Variants in C8orf34 observed in about 807,000 individuals in gnomAD.
The protein encoded by C8orf34 is uncharacterized protein C8orf34.
Under a neutral mutation model 68.3 loss-of-function variants are expected in C8orf34, and 65 were observed. The ratio of observed to expected loss-of-function variants is 0.95; its 90% CI spans 0.78 to 1.17. The LOEUF (loss-of-function observed/expected upper bound fraction) is 1.17, where lower values mean the gene tolerates loss of function less well. Among genes scored for constraint, C8orf34 ranks in the 50% most tolerant of loss-of-function variants. The pLI, the probability that C8orf34 is intolerant of heterozygous loss-of-function variation, is 0.00. For missense variants in C8orf34, 664 were observed against 655.4 expected (o/e 1.01, Z -0.14); for synonymous variants, 244 against 241.2 (o/e 1.01, Z -0.11).
intron 11 of C8orf34, among the ~76,000 whole-genome samples, chr8:68,779,582 G>A (rs934636322): frequency 4.6e-5 from 7 of 152,188 alleles, no homozygotes; most frequent in African/African-American, 1.4e-4. Flanking sequence ...CCAGAAAGGG[G>A]ATCAATTCTA....
chr8:68,525,654 G>C (rs1164328446), intron 6 of C8orf34: 1 of 696,450 alleles, frequency 1.4e-6, no homozygotes, highest in Non-Finnish European at 2.6e-6. Flanking sequence ...CATTTTTCTA[G>C]ATCTTTGAGT....
rs1824892716 is a variant in C8orf34 at position 68,818,736 on chromosome 8, T to C, written c.*490T>C. The C allele has an allele frequency of 6.5e-6, 1 of 153,164 alleles. No homozygotes were observed. The highest frequency in any genetic ancestry group is 2.4e-5 in the African/African-American group (1 of 41,568). 9.5% of individuals were successfully genotyped at this position (153,164 alleles called of 1,614,324 possible). A position where few individuals can be genotyped will look rare whatever the true frequency, so the allele number is the denominator to read the frequency against. ...GTTTGGTATCATCACCTGCCATACA[T>C]GTTGTGTGCAGCAGTGAGAAGTATA... is the stretch of plus-strand genomic sequence containing the variant. On this transcript the variant is annotated 3_prime_UTR_variant, in exon 14 of 14. Coordinates refer to ENST00000518698, the MANE Select transcript of C8orf34 (RefSeq NM_052958.4).
chr8:68,506,199 A>G (rs1196049155), intron 5 of C8orf34, among the ~76,000 whole-genome samples: 1 of 152,304 alleles, frequency 6.6e-6, no homozygotes, highest in East Asian at 1.9e-4. Flanking sequence ...TGGCATTTAC[A>G]TCATGTACAT....
intron 1 of C8orf34, among the ~76,000 whole-genome samples, chr8:68,336,807 T>A (rs1265515262): frequency 3.3e-5 from 5 of 152,220 alleles, no homozygotes; most frequent in Admixed American, 3.3e-4. Flanking sequence ...GAGTATCATA[T>A]GTCAAAAAGT....
intron 7 of C8orf34, among the ~76,000 whole-genome samples, chr8:68,587,660 G>T (rs144489219): frequency 6.6e-6 from 1 of 151,982 alleles, no homozygotes; most frequent in South Asian, 2.1e-4. Context: ...TTAATAACAA[G>T]ATTTATGTTG....
At chr8:68,576,147 C>A (rs1280080378) in intron 7 of C8orf34, among the ~76,000 whole-genome samples, 1 of 151,230 alleles carries the variant, frequency 6.6e-6, no homozygotes, top group Non-Finnish European at 1.5e-5. Flanking sequence ...TTTTTACACA[C>A]ACACACACAC....
rs1339911174 is a variant in C8orf34, at chr8:68,657,163, A to T, written c.1241+16652A>T. On this transcript the variant is annotated intron_variant, in intron 8 of 13. Coordinates refer to ENST00000518698, the MANE Select transcript of C8orf34 (RefSeq NM_052958.4). Reference sequence around the variant, plus strand: ...TGGAAGGACTTCTTCCTTACTTATAACTCCACAAACGTATCCAAATACTCA... The same window carrying T: ...TGGAAGGACTTCTTCCTTACTTATATCTCCACAAACGTATCCAAATACTCA... Among the ~76,000 whole-genome samples, 3 of 151,928 alleles carry T rather than the reference A, an allele frequency of 2.0e-5. No individual in the cohort carries two copies. The South Asian group carries it at 6.2e-4, about 32-fold the overall frequency.
chr8:68,724,006 C>T (rs1480683672), intron 10 of C8orf34, among the ~76,000 whole-genome samples: 1 of 152,012 alleles, frequency 6.6e-6, no homozygotes, highest in African/African-American at 2.4e-5. Flanking sequence ...TATCATATTA[C>T]ACATTTAAAT....
chr8:68,743,449 G>C (rs2129527311), intron 10 of C8orf34, among the ~76,000 whole-genome samples: 1 of 152,298 alleles, frequency 6.6e-6, no homozygotes, highest in African/African-American at 2.4e-5. Context: ...TTCCATCTGA[G>C]GTACCAGGTT....
intron 8 of C8orf34, among the ~76,000 whole-genome samples, chr8:68,669,205 G>T (rs1434936): frequency 0.2 from 29,842 of 152,032 alleles, 3,404 homozygotes; most frequent in East Asian, 0.56. Context: ...TAGTTTCATT[G>T]ATTGTAACAA....
chr8:68,556,842 C>T (rs970409395), intron 7 of C8orf34, among the ~76,000 whole-genome samples: 23 of 152,190 alleles, frequency 1.5e-4, no homozygotes, highest in Admixed American at 7.2e-4. Context: ...TTCCCTTTAA[C>T]AGCTAACACA....
chr8:68,422,711 C>A (rs1030124882), intron 1 of C8orf34, among the ~76,000 whole-genome samples: 1 of 152,204 alleles, frequency 6.6e-6, no homozygotes, highest in African/African-American at 2.4e-5. Flanking sequence ...GGCTCCGACC[C>A]CACATTTCCC....
chr8:68,408,713 ACATC>A (rs1204872242), intron 1 of C8orf34, among the ~76,000 whole-genome samples: 3 of 152,158 alleles, frequency 2.0e-5, no homozygotes, highest in African/African-American at 7.2e-5. Flanking sequence ...AGCCCTCATA[ACATC>A]CATTATGCAT....
chr8:68,805,193 T>A (rs1033524757), intron 12 of C8orf34, among the ~76,000 whole-genome samples: 2 of 152,254 alleles, frequency 1.3e-5, no homozygotes, highest in African/African-American at 4.8e-5. Flanking sequence ...AAGCTCTGTA[T>A]GGATGGTTTA....
At chr8:68,592,961 T>G (rs759058636) in intron 7 of C8orf34, among the ~76,000 whole-genome samples, 1 of 152,148 alleles carries the variant, frequency 6.6e-6, no homozygotes, top group Non-Finnish European at 1.5e-5. Context: ...TGTGGTGGGC[T>G]TCATTGTCTT....
intron 5 of C8orf34, among the ~76,000 whole-genome samples, chr8:68,508,632 G>T (rs1005203528): frequency 2.0e-4 from 30 of 152,126 alleles, no homozygotes; most frequent in African/African-American, 7.0e-4. Flanking sequence ...CCAGAGGTTG[G>T]CTGGCTGTCA....
intron 11 of C8orf34, among the ~76,000 whole-genome samples, chr8:68,779,999 G>A (rs1823629719): frequency 6.6e-6 from 1 of 151,884 alleles, no homozygotes; most frequent in African/African-American, 2.4e-5. Context: ...AATTAATGAG[G>A]GAACAAATAA....
At chr8:68,610,905 C>T (rs1400631171) in intron 7 of C8orf34, among the ~76,000 whole-genome samples, 2 of 125,768 alleles carry the variant, frequency 1.6e-5, no homozygotes, top group Admixed American at 1.8e-4. Flanking sequence ...ACTCTTGTTG[C>T]CCAGGCTGGA....
intron 3 of C8orf34, among the ~76,000 whole-genome samples, chr8:68,460,901 G>T (rs1364599025): frequency 6.6e-6 from 1 of 152,204 alleles, no homozygotes; most frequent in Non-Finnish European, 1.5e-5. Flanking sequence ...CTCCTCCAAA[G>T]GAACGCAGTT....
Sources: gnomAD v4.1 joint callset for allele counts (sites outside exome capture counted in the v4.1 genomes callset) on GRCh38, gnomAD v4.1.1 for gene constraint, MANE v1.5 for transcripts, NCBI Gene and HGNC (gene_info 2026-07-23, HGNC 2026-07-21) for gene names.